GARS1: variants seen among roughly 807,000 people sequenced by gnomAD.
GARS1 encodes glycine--tRNA ligase.
In GARS1, 46 loss-of-function variants were observed where a neutral mutation model predicts 86.4. That is an observed-to-expected ratio of 0.53 (90% CI 0.42 to 0.68). GARS1 has a LOEUF of 0.68. GARS1 is among the 30% of genes least tolerant of loss of function. The pLI is 0.00. For missense variants in GARS1, 797 were observed against 915.6 expected, an observed-to-expected ratio of 0.87 and a Z score of 1.67; for synonymous variants, 342 against 329.8, an observed-to-expected ratio of 1.04 and a Z score of -0.40.
intron 12 of GARS1, among the ~76,000 whole-genome samples, chr7:30,623,600 A>G (rs922876365): frequency 6.6e-6 from 1 of 152,196 alleles, no homozygotes; most frequent in Admixed American, 6.5e-5. Flanking sequence ...CAGTGGGACA[A>G]TATCAGGCAG....
In GARS1 at chr7:30,599,954, C is replaced by T. The variant is rs370531212; in HGVS notation, c.332C>T (p.Ala111Val). The T allele has an allele frequency of 4.3e-6, 7 of 1,610,852 alleles. No homozygotes were observed. The highest frequency in any genetic ancestry group is 2.2e-5 in the East Asian group (1 of 44,852). Reference protein sequence around the residue: ...RKRVLEAKELALQPKDDIVDR... With the variant: ...RKRVLEAKELVLQPKDDIVDR... ...TTATTTAATCTCTAACAGGAGCTGG[C>T]GTTACAGCCCAAAGATGATATTGTA... Residue 111 changes from alanine to valine, a missense_variant, in exon 3 of 17, where the codon GCG becomes GTG. Around this residue, in one of 2 missense-constraint regions of GARS1, gnomAD observed 199 missense variants for 176.9 expected, o/e 1.12. Transcript: ENST00000389266.
chr7:30,604,039 A>G (rs1275107108), intron 6 of GARS1, among the ~76,000 whole-genome samples: 5 of 152,318 alleles, frequency 3.3e-5, no homozygotes, highest in African/African-American at 1.2e-4. Context: ...GTTTGCCTAT[A>G]GGCCTAAAGT....
intron 10 of GARS1, among the ~76,000 whole-genome samples, chr7:30,620,641 A>G (rs1339186889): frequency 6.6e-6 from 1 of 152,238 alleles, no homozygotes; most frequent in Admixed American, 6.5e-5. Flanking sequence ...TGTATTTATA[A>G]GAAAGGGAAC....
chr7:30,609,789 TA>T, intron 7 of GARS1, 59 bp downstream of exon 7: 1 of 1,539,912 alleles, frequency 6.5e-7, no homozygotes, highest in Non-Finnish European at 8.9e-7. Flanking sequence ...TTGCTTATAT[TA>T]AAAGGTAAAT....
chr7:30,602,179 C>G (rs1380918772), intron 4 of GARS1, among the ~76,000 whole-genome samples: 1 of 152,022 alleles, frequency 6.6e-6, no homozygotes, highest in Non-Finnish European at 1.5e-5. Context: ...AGCTCCGCCT[C>G]TCGGGTTCAC....
At position 30,595,059 on chromosome 7, in the gene GARS1, G is replaced by T; in HGVS notation, c.138G>T (p.Leu46Phe). Residue 46 changes from leucine (L) to phenylalanine (F), a missense_variant, in exon 1 of 17, where the codon TTG (leucine) becomes TTT (phenylalanine). This residue lies in a region of GARS1 where 199 missense variants were observed against 176.9 expected (regional missense o/e 1.12). Coordinates refer to ENST00000389266, the MANE Select transcript of GARS1 (RefSeq NM_002047.4). ...CGGCCTCCTGCCCCCCGATCTCCTT[G>T]CCCGCCGCCGCCTCCCGGAGCAGCA... ...LSAASCPPISLPAAASRSSMD... is the reference protein window; with the variant it reads ...LSAASCPPISFPAAASRSSMD... 2 of 1,552,376 alleles carry T rather than the reference G, an allele frequency of 1.3e-6. No individual in the cohort carries two copies. The highest frequency in any genetic ancestry group is 1.7e-6 in the Non-Finnish European group (2 of 1,155,136).
intron 12 of GARS1, among the ~76,000 whole-genome samples, chr7:30,624,704 AGAAAAG>A: frequency 6.6e-6 from 1 of 152,340 alleles, no homozygotes; most frequent in African/African-American, 2.4e-5. Flanking sequence ...AGAAGATGGG[AGAAAAG>A]GAAAAGGAAC....
chr7:30,624,737 A>G (rs1356243819), intron 12 of GARS1, among the ~76,000 whole-genome samples: 1 of 152,234 alleles, frequency 6.6e-6, no homozygotes, highest in African/African-American at 2.4e-5. Flanking sequence ...CAGATGGGAC[A>G]AAGATGAACT....
chr7:30,624,905 A>C (rs1414445675), intron 12 of GARS1, among the ~76,000 whole-genome samples: 1 of 152,212 alleles, frequency 6.6e-6, no homozygotes, highest in Non-Finnish European at 1.5e-5. Flanking sequence ...AGTTTGCTTT[A>C]TTAATTATTC....
chr7:30,594,872 C>T (rs944520337), upstream of GARS1: 6 of 1,452,762 alleles, frequency 4.1e-6, no homozygotes, highest in African/African-American at 4.2e-5. Flanking sequence ...CCGGGCGGCG[C>T]GCGCCGCTTC....
chr7:30,629,074 CCT>C (rs1783186796), intron 14 of GARS1, among the ~76,000 whole-genome samples: 1 of 152,064 alleles, frequency 6.6e-6, no homozygotes, highest in Non-Finnish European at 1.5e-5. Flanking sequence ...CAAAGGGAAC[CCT>C]CTCAAACTGC....
At chr7:30,609,178 T>C (rs1311012260) in intron 6 of GARS1, among the ~76,000 whole-genome samples, 1 of 152,202 alleles carries the variant, frequency 6.6e-6, no homozygotes, top group African/African-American at 2.4e-5. Context: ...CTATTAATAG[T>C]ATATTTGCTT....
chr7:30,614,170 A>G (rs768171247), intron 8 of GARS1: 1 of 151,912 alleles, frequency 6.6e-6, no homozygotes. Flanking sequence ...ATGCTTATAC[A>G]TTGTGAAATG....
At chr7:30,623,420 T>A (rs1783060173) in intron 12 of GARS1, among the ~76,000 whole-genome samples, 3 of 152,206 alleles carry the variant, frequency 2.0e-5, no homozygotes, top group African/African-American at 4.8e-5. Context: ...CACATGTTTT[T>A]TATATATATA....
At chr7:30,626,522 G>A (rs1562781923) in intron 13 of GARS1, among the ~76,000 whole-genome samples, 2 of 152,146 alleles carry the variant, frequency 1.3e-5, no homozygotes, top group South Asian at 2.1e-4. Flanking sequence ...ACTAATTTTT[G>A]TATTTTTTGT....
In GARS1 at chr7:30,622,451, G is replaced by C. The variant is rs1783032884; in HGVS notation, c.1602G>C (p.Leu534=). 2 of 1,614,116 alleles carry C rather than the reference G, an allele frequency of 1.2e-6. No homozygotes were observed. The highest frequency in any genetic ancestry group is 1.7e-6 in the Non-Finnish European group (2 of 1,179,998). ...ACATTACAGAAATGGAGATGCTGCT[G>C]AATGAGAAAGGGTAAGATATCAGAT... The part of the protein sequence containing the change: ...ECYITEMEML[L]NEKGEFTIET... The change falls in exon 12 of 17, where the codon CTG becomes CTC. Residue 534 remains leucine, a synonymous_variant. Coordinates refer to ENST00000389266, the MANE Select transcript of GARS1 (RefSeq NM_002047.4).
intron 10 of GARS1, among the ~76,000 whole-genome samples, 177 bp downstream of exon 10, chr7:30,617,455 A>C (rs1285729972): frequency 2.0e-5 from 3 of 152,168 alleles, no homozygotes; most frequent in Non-Finnish European, 2.9e-5. Context: ...TGTCCTAAGG[A>C]GCTCGTTGTA....
chr7:30,599,388 A>T (rs184313596), intron 2 of GARS1, among the ~76,000 whole-genome samples: 18 of 152,208 alleles, frequency 1.2e-4, no homozygotes, highest in East Asian at 1.2e-3. Context: ...ATCAGTATCT[A>T]CATCAAAGTA....
At chr7:30,598,965 A>T in intron 2 of GARS1, 68 bp downstream of exon 2, 1 of 1,253,996 alleles carries the variant, frequency 8.0e-7, no homozygotes, top group South Asian at 1.2e-5. Flanking sequence ...ATTTCTTTGG[A>T]TGGGAGAGAC....
Sources: allele counts gnomAD v4.1 joint callset (sites outside exome capture counted in the v4.1 genomes callset), GRCh38; gene constraint gnomAD v4.1.1; regional missense constraint gnomAD v4.1.1; transcripts MANE v1.5; gene names NCBI Gene and HGNC (gene_info 2026-07-23, HGNC 2026-07-21).